Variants in TBXAS1 observed in about 807,000 individuals in gnomAD.
TBXAS1 encodes thromboxane A synthase 1, also known as thromboxane-A synthase.
In TBXAS1, 48 loss-of-function variants were observed where a neutral mutation model predicts 60.7. The observed-to-expected ratio is 0.79, with a 90% CI of 0.63 to 1.01. The LOEUF (loss-of-function observed/expected upper bound fraction) is 1.01, where lower values mean the gene tolerates loss of function less well. TBXAS1 is among the 50% of genes least tolerant of loss of function. TBXAS1 has a pLI of 0.00. For synonymous variants in TBXAS1, 287 were observed against 269.7 expected, an observed-to-expected ratio of 1.06 and a Z score of -0.63; for missense variants, 685 against 686.3, an observed-to-expected ratio of 1.00 and a Z score of 0.02.
intron 1 of TBXAS1, among the ~76,000 whole-genome samples, chr7:139,853,508 C>T (rs554142553): frequency 9.3e-4 from 142 of 152,290 alleles, no homozygotes; most frequent in Non-Finnish European, 1.4e-3. Context: ...ATAATAACAG[C>T]ATGTTCCACA....
chr7:139,900,352 G>A (rs1304774903), intron 3 of TBXAS1, among the ~76,000 whole-genome samples: 1 of 152,178 alleles, frequency 6.6e-6, no homozygotes, highest in Non-Finnish European at 1.5e-5. Context: ...GAGTGGTATG[G>A]CTGGATGAAC....
intron 9 of TBXAS1, 143 bp from the exon 10 acceptor site, chr7:140,006,948 G>T: frequency 2.4e-6 from 2 of 818,160 alleles, no homozygotes; most frequent in Non-Finnish European, 4.3e-6. Context: ...TGCAATTTGG[G>T]TCATACCGAC....
At chr7:139,952,823 C>A in intron 5 of TBXAS1, 3 of 893,892 alleles carry the variant, frequency 3.4e-6, no homozygotes, top group Admixed American at 3.3e-5. Flanking sequence ...GGCTTAAGCA[C>A]AAAAGAATAA....
rs764792494 is a variant in TBXAS1 at position 139,872,329 on chromosome 7, G to A, written c.183+1G>A. 2 of 1,613,460 alleles carry A rather than the reference G, an allele frequency of 1.2e-6. No individual in the cohort carries two copies. The highest frequency in any genetic ancestry group is 1.7e-5 in the Admixed American group (1 of 60,002). On this transcript the variant is annotated splice_donor_variant, in intron 2 of 12. Transcript: ENST00000448866. LOFTEE classifies it high-confidence loss of function. ...TGGAAACTTGACATTTTTCCGCCAG[G>A]TAAGGGCTGTCTTCCATTGGCTTCC...
At chr7:139,881,425 T>C (rs1802683021) in intron 3 of TBXAS1, among the ~76,000 whole-genome samples, 1 of 152,168 alleles carries the variant, frequency 6.6e-6, no homozygotes, top group Non-Finnish European at 1.5e-5. Context: ...GGAATTTATT[T>C]GGAAGATGGA....
chr7:139,858,284 T>C (rs150070438), intron 1 of TBXAS1, among the ~76,000 whole-genome samples: 16 of 152,316 alleles, frequency 1.1e-4, no homozygotes, highest in Non-Finnish European at 2.2e-4. Context: ...GTTCTCAGTT[T>C]AATGATTTTT....
At position 140,008,728 on chromosome 7, in the gene TBXAS1, C is replaced by T. The variant is rs548664778; in HGVS notation, c.1226+1546C>T. 1.6e-4 allele frequency among the ~76,000 whole-genome samples: 25 copies of T among 152,294 alleles called. 1 individual carries two copies. Among genetic ancestry groups the T allele is most frequent in the Middle Eastern group, 6.8e-3 (2 of 294 alleles). On this transcript the variant is annotated intron_variant, in intron 10 of 12. Transcript: ENST00000448866. ...CCTCCCAAAGTGCTGGGATTACAGG[C>T]GTGAGCCACCAATCCCAGCCTTATT...
intron 9 of TBXAS1, among the ~76,000 whole-genome samples, chr7:139,983,894 G>T (rs1812140109): frequency 6.6e-6 from 1 of 152,224 alleles, no homozygotes; most frequent in South Asian, 2.1e-4. Flanking sequence ...GCACAGAGAA[G>T]TGGATTGGAG....
intron 4 of TBXAS1, among the ~76,000 whole-genome samples, chr7:139,928,474 G>C (rs1807060615): frequency 6.6e-6 from 1 of 152,114 alleles, no homozygotes; most frequent in Non-Finnish European, 1.5e-5. Flanking sequence ...GTTTATGCTG[G>C]CTCATGAGAT....
chr7:139,825,264 G>T (rs1798408954), upstream of TBXAS1, among the ~76,000 whole-genome samples: 1 of 152,028 alleles, frequency 6.6e-6, no homozygotes, highest in Non-Finnish European at 1.5e-5. Flanking sequence ...TGCATCACAG[G>T]TACCAAAATT....
intron 10 of TBXAS1, among the ~76,000 whole-genome samples, chr7:140,008,212 G>A (rs769207214): frequency 3.3e-5 from 5 of 152,202 alleles, no homozygotes; most frequent in Non-Finnish European, 5.9e-5. Flanking sequence ...GAATGCAATT[G>A]TAGACATTGT....
chr7:139,784,095 G>C (rs977012279), intron 3 of TBXAS1, among the ~76,000 whole-genome samples: 31 of 98,646 alleles, frequency 3.1e-4, no homozygotes, highest in African/African-American at 9.6e-4. Flanking sequence ...TTTTGTTTTT[G>C]TTTTCAATAC....
At chr7:139,867,651 T>C (rs1376895055) in intron 1 of TBXAS1, among the ~76,000 whole-genome samples, 1 of 150,856 alleles carries the variant, frequency 6.6e-6, no homozygotes, top group Non-Finnish European at 1.5e-5. Context: ...TGAAACCCCG[T>C]CTCTACTAAA....
chr7:139,936,148 T>C, intron 4 of TBXAS1, 43 bp from the exon 5 acceptor site: 1 of 1,605,792 alleles, frequency 6.2e-7, no homozygotes, highest in Non-Finnish European at 8.5e-7. Context: ...AAGGTGGCTT[T>C]GGCTCCCTGA....
At chr7:139,883,234 T>C (rs944085030) in intron 3 of TBXAS1, among the ~76,000 whole-genome samples, 1 of 142,558 alleles carries the variant, frequency 7.0e-6, no homozygotes, top group Non-Finnish European at 1.5e-5. Context: ...ATTAATAGAC[T>C]CTTCACCCTT....
chr7:139,955,344 CT>C, intron 6 of TBXAS1, 114 bp from the exon 7 acceptor site: 1 of 1,379,548 alleles, frequency 7.2e-7, no homozygotes, highest in Non-Finnish European at 1.0e-6. Flanking sequence ...CCAGACACAT[CT>C]GCAGGGCTGG....
chr7:139,941,282 C>G (rs1339455874), intron 5 of TBXAS1, among the ~76,000 whole-genome samples: 4 of 152,172 alleles, frequency 2.6e-5, no homozygotes, highest in Non-Finnish European at 5.9e-5. Context: ...CCCTCTCTAC[C>G]TGTGTCTTTA....
chr7:139,903,658 G>T (rs941654175), intron 3 of TBXAS1, among the ~76,000 whole-genome samples: 1 of 151,900 alleles, frequency 6.6e-6, no homozygotes, highest in Non-Finnish European at 1.5e-5. Context: ...CAGGAGTAAG[G>T]TTGTATCACA....
At chr7:139,992,412 G>A (rs1180218201) in intron 9 of TBXAS1, among the ~76,000 whole-genome samples, 1 of 152,206 alleles carries the variant, frequency 6.6e-6, no homozygotes, top group Non-Finnish European at 1.5e-5. Context: ...CCCAGCAGAG[G>A]GGAGGGCCAC....
Sources: gnomAD v4.1 joint callset for allele counts (sites outside exome capture counted in the v4.1 genomes callset) on GRCh38, gnomAD v4.1.1 for gene constraint, MANE v1.5 for transcripts, NCBI Gene and HGNC (gene_info 2026-07-23, HGNC 2026-07-21) for gene names.